Variants in NRG3 observed in about 807,000 individuals in gnomAD.
NRG3 encodes neuregulin 3, also known as pro-neuregulin-3, membrane-bound isoform.
In NRG3, 31 loss-of-function variants were observed where a neutral mutation model predicts 66.9. That is an observed-to-expected ratio of 0.46 (90% CI 0.35 to 0.63). The LOEUF is 0.63. NRG3 is among the 20% of genes least tolerant of loss of function. The pLI, the probability that NRG3 is intolerant of heterozygous loss-of-function variation, is 0.00. For synonymous variants in NRG3, 393 were observed against 359.4 expected (o/e 1.09, Z -1.06); for missense variants, 910 against 878.9 (o/e 1.04, Z -0.45).
chr10:82,746,618 A>G (rs777230177), intron 3 of NRG3, among the ~76,000 whole-genome samples: 1 of 152,190 alleles, frequency 6.6e-6, no homozygotes, highest in Non-Finnish European at 1.5e-5. Flanking sequence ...AGGGAGATCA[A>G]GTGTTATGGA....
intron 2 of NRG3, among the ~76,000 whole-genome samples, chr10:82,646,434 A>G (rs377637605): frequency 3.9e-5 from 6 of 152,188 alleles, no homozygotes; most frequent in African/African-American, 1.4e-4. Context: ...GTAAAGTACA[A>G]TATGGTCACC....
intron 1 of NRG3, among the ~76,000 whole-genome samples, chr10:82,069,930 C>A (rs2064708226): frequency 6.6e-6 from 1 of 152,110 alleles, no homozygotes; most frequent in South Asian, 2.1e-4. Flanking sequence ...TATTAATAGT[C>A]TGTCAAAATC....
intron 1 of NRG3, among the ~76,000 whole-genome samples, chr10:82,211,984 T>C (rs558421694): frequency 6.6e-6 from 1 of 152,306 alleles, no homozygotes; most frequent in East Asian, 1.9e-4. Flanking sequence ...TGCTGTGCTC[T>C]CAGTATGGAG....
chr10:82,577,235 TA>T (rs1450217782), intron 2 of NRG3, among the ~76,000 whole-genome samples: 4 of 151,794 alleles, frequency 2.6e-5, no homozygotes, highest in African/African-American at 4.8e-5. Context: ...GCATGACTTT[TA>T]TAATAACTCT....
At chr10:81,997,891 A>T (rs1335229788) in intron 1 of NRG3, among the ~76,000 whole-genome samples, 1 of 141,564 alleles carries the variant, frequency 7.1e-6, no homozygotes, top group African/African-American at 2.7e-5. Flanking sequence ...TACCTCAAAT[A>T]TGCACAAAAT....
At chr10:82,870,725 A>G (rs1371564854) in intron 4 of NRG3, among the ~76,000 whole-genome samples, 1 of 151,914 alleles carries the variant, frequency 6.6e-6, no homozygotes, top group Non-Finnish European at 1.5e-5. Context: ...CCATCTGCAT[A>G]TTTTCTTTAG....
At chr10:82,057,759 C>T (rs1445337534) in intron 1 of NRG3, among the ~76,000 whole-genome samples, 2 of 152,104 alleles carry the variant, frequency 1.3e-5, no homozygotes, top group Non-Finnish European at 2.9e-5. Flanking sequence ...CTACTTTAGG[C>T]CAAAGCTAGG....
At chr10:82,412,820 T>C (rs532922206) in intron 2 of NRG3, among the ~76,000 whole-genome samples, 3 of 152,094 alleles carry the variant, frequency 2.0e-5, no homozygotes, top group Non-Finnish European at 4.4e-5. Context: ...TCAACAGGTG[T>C]AGATTTCATC....
At chr10:81,997,389 C>T (rs2060979873) in intron 1 of NRG3, among the ~76,000 whole-genome samples, 2 of 152,228 alleles carry the variant, frequency 1.3e-5, no homozygotes, top group Non-Finnish European at 1.5e-5. Flanking sequence ...AGATGCTGTG[C>T]ATCTTTACAC....
Position 82,169,490 on chromosome 10 carries a change from GTTTTAATTT to G in NRG3, c.824-189236_824-189228del, listed in dbSNP as rs568545121. On this transcript the variant is annotated intron_variant, in intron 1 of 8. Transcript: ENST00000372141. ...TTCTGAATTCTAAAAATGTTCTTGT[GTTTTAATTT>G]TTTTAATTTTTTATTTTTTTATTAT... Among the ~76,000 whole-genome samples the G allele has an allele frequency of 1.5e-3, 227 of 151,196 alleles. 2 individuals carry two copies. The highest frequency in any genetic ancestry group is 5.3e-3 in the African/African-American group (219 of 41,388).
intron 1 of NRG3, among the ~76,000 whole-genome samples, chr10:82,206,689 T>A (rs968104665): frequency 6.6e-6 from 1 of 152,218 alleles, no homozygotes; most frequent in Non-Finnish European, 1.5e-5. Context: ...TGTATACCTG[T>A]ATCTTGTAGC....
chr10:82,116,211 T>G (rs2067704633), intron 1 of NRG3, among the ~76,000 whole-genome samples: 1 of 152,068 alleles, frequency 6.6e-6, no homozygotes, highest in Non-Finnish European at 1.5e-5. Context: ...GATGGCCTGA[T>G]TTTGTCCCTT....
At chr10:82,418,703 C>G (rs2136218312) in intron 2 of NRG3, among the ~76,000 whole-genome samples, 1 of 152,220 alleles carries the variant, frequency 6.6e-6, no homozygotes, top group African/African-American at 2.4e-5. Context: ...AGGGCTCAAG[C>G]AATCCTGCCT....
chr10:82,170,651 G>T (rs2072497771), intron 1 of NRG3, among the ~76,000 whole-genome samples: 1 of 78,660 alleles, frequency 1.3e-5, no homozygotes. Context: ...TATAAAACTT[G>T]TGGTATATAT....
At chr10:82,902,172 TCA>T (rs1313678284) in intron 4 of NRG3, among the ~76,000 whole-genome samples, 4 of 152,172 alleles carry the variant, frequency 2.6e-5, no homozygotes, top group African/African-American at 9.7e-5. Context: ...TTGGGTTTAT[TCA>T]CAGTTTGTAA....
chr10:82,831,233 C>T (rs1564544750), intron 3 of NRG3, among the ~76,000 whole-genome samples: 1 of 152,088 alleles, frequency 6.6e-6, no homozygotes, highest in Non-Finnish European at 1.5e-5. Flanking sequence ...ACAGGTCTCC[C>T]TCAGCAGCCC....
At chr10:82,801,985 G>C (rs1222346278) in intron 3 of NRG3, among the ~76,000 whole-genome samples, 1 of 152,124 alleles carries the variant, frequency 6.6e-6, no homozygotes, top group African/African-American at 2.4e-5. Flanking sequence ...GGAATGAGAG[G>C]AAAGCATCTC....
At chr10:82,464,961 T>A (rs1840541072) in intron 2 of NRG3, among the ~76,000 whole-genome samples, 1 of 148,224 alleles carries the variant, frequency 6.7e-6, no homozygotes, top group African/African-American at 2.4e-5. Context: ...GCTTCTGACT[T>A]ATGGTCATAG....
chr10:82,194,498 T>C (rs1209931183), intron 1 of NRG3, among the ~76,000 whole-genome samples: 1 of 152,074 alleles, frequency 6.6e-6, no homozygotes, highest in Non-Finnish European at 1.5e-5. Context: ...CTTGTCTTCC[T>C]CTGTAATGGG....
Sources: allele counts gnomAD v4.1 joint callset (sites outside exome capture counted in the v4.1 genomes callset), GRCh38; gene constraint gnomAD v4.1.1; transcripts MANE v1.5; gene names NCBI Gene and HGNC (gene_info 2026-07-23, HGNC 2026-07-21).